The following PTBP2 variants were observed in gnomAD, a reference collection of about 807,000 sequenced individuals.
PTBP2 encodes the protein polypyrimidine tract binding protein 2, also known as polypyrimidine tract-binding protein 2.
PTBP2 carries 13 observed loss-of-function variants against 61.4 expected under a neutral mutation model. The observed-to-expected ratio is 0.21, with a 90% confidence interval of 0.14 to 0.34. The LOEUF (loss-of-function observed/expected upper bound fraction) is 0.34, where lower values mean the gene tolerates loss of function less well. Among genes scored for constraint, PTBP2 ranks in the 10% least tolerant of loss-of-function variants. The pLI, the probability that PTBP2 is intolerant of heterozygous loss-of-function variation, is 1.00. For missense variants in PTBP2, 405 were observed against 642.6 expected (o/e 0.63, Z 4.00); for synonymous variants, 215 against 218.5 (o/e 0.98, Z 0.14).
intron 7 of PTBP2, among the ~76,000 whole-genome samples, chr1:96,779,055 A>G (rs1424688182): frequency 6.6e-6 from 1 of 152,130 alleles, no homozygotes; most frequent in East Asian, 1.9e-4. Flanking sequence ...AGTGAACACC[A>G]CCTATAAGGT....
chr1:96,811,660 C>T (rs1462416619), intron 11 of PTBP2, among the ~76,000 whole-genome samples: 1 of 152,154 alleles, frequency 6.6e-6, no homozygotes, highest in Non-Finnish European at 1.5e-5. Flanking sequence ...TTGTGATCCG[C>T]CCACCTCAGC....
rs1474260979 is a variant in PTBP2 at position 96,814,326 on chromosome 1, C to A, written c.*921C>A. The stretch of plus-strand genomic sequence containing the variant: ...GATTTCTGAGCATGTGCAGACTGGT[C>A]TAGCTAGTTCAGGAACTGGTGCATG... On this transcript the variant is annotated 3_prime_UTR_variant, in exon 14 of 14. Coordinates refer to ENST00000674951, the MANE Select transcript of PTBP2 (RefSeq NM_021190.4). The A allele has an allele frequency of 6.6e-6, 1 of 152,452 alleles. No homozygotes were observed. Among genetic ancestry groups the A allele is most frequent in the African/African-American group, 2.4e-5 (1 of 41,412 alleles). The allele number at this position is 152,452 out of a possible 1,614,324, so 9.4% of individuals were successfully genotyped here. A position where few individuals can be genotyped will look rare whatever the true frequency, so the allele number is the denominator to read the frequency against.
chr1:96,780,149 G>A (rs1006357436), intron 7 of PTBP2, among the ~76,000 whole-genome samples: 5 of 152,096 alleles, frequency 3.3e-5, no homozygotes, highest in East Asian at 3.9e-4. Flanking sequence ...TAGATGTTTA[G>A]TTATCTAAGA....
At chr1:96,762,801 A>AG (rs1163816989) in intron 3 of PTBP2, among the ~76,000 whole-genome samples, 1 of 150,134 alleles carries the variant, frequency 6.7e-6, no homozygotes, top group African/African-American at 2.5e-5. Context: ...TGCCGGGCGG[A>AG]GGGGCTCCTC....
At chr1:96,749,714 T>G (rs1262271944) in intron 2 of PTBP2, 2 of 453,530 alleles carry the variant, frequency 4.4e-6, no homozygotes, top group South Asian at 3.1e-5. Context: ...TCAATAAATA[T>G]GTGGGGACAT....
chr1:96,754,859 A>G (rs1027329906), intron 3 of PTBP2, among the ~76,000 whole-genome samples: 1 of 152,206 alleles, frequency 6.6e-6, no homozygotes, highest in African/African-American at 2.4e-5. Flanking sequence ...AATTAACTCC[A>G]AATGGATCAT....
intron 2 of PTBP2, among the ~76,000 whole-genome samples, chr1:96,749,076 G>A (rs1654202317): frequency 6.6e-6 from 1 of 151,876 alleles, no homozygotes; most frequent in Admixed American, 6.6e-5. Context: ...AATCATTTGA[G>A]GAAGAAAAAA....
chr1:96,777,789 T>A, intron 6 of PTBP2, 40 bp downstream of exon 6: 1 of 1,534,230 alleles, frequency 6.5e-7, no homozygotes, highest in South Asian at 1.2e-5. Flanking sequence ...ATTAGAGAAA[T>A]AATAATATAG....
intron 3 of PTBP2, among the ~76,000 whole-genome samples, chr1:96,761,712 C>T (rs551026592): frequency 5.9e-5 from 9 of 151,778 alleles, no homozygotes; most frequent in South Asian, 2.1e-4. Context: ...AAGAATAATC[C>T]GCTACTGTTC....
chr1:96,761,796 T>C (rs1655911545), intron 3 of PTBP2, among the ~76,000 whole-genome samples: 1 of 152,114 alleles, frequency 6.6e-6, no homozygotes, highest in Non-Finnish European at 1.5e-5. Flanking sequence ...GAGGGGGATT[T>C]GGCAGGGTCA....
chr1:96,784,511 A>G (rs930793122), intron 7 of PTBP2, among the ~76,000 whole-genome samples: 2 of 152,228 alleles, frequency 1.3e-5, no homozygotes, highest in Non-Finnish European at 2.9e-5. Context: ...GGGGGTGAAC[A>G]TTTCAGGTTA....
intron 7 of PTBP2, among the ~76,000 whole-genome samples, chr1:96,781,963 T>C (rs1403782068): frequency 6.6e-6 from 1 of 151,988 alleles, no homozygotes; most frequent in Non-Finnish European, 1.5e-5. Context: ...TAATTCAGCT[T>C]TTATAATGTT....
chr1:96,776,189 A>G (rs1455568395), intron 5 of PTBP2, among the ~76,000 whole-genome samples: 2 of 152,024 alleles, frequency 1.3e-5, no homozygotes, highest in Non-Finnish European at 1.5e-5. Flanking sequence ...TATGCTTGTT[A>G]TTATAGATAA....
At chr1:96,732,707 T>C (rs1191771048) in intron 2 of PTBP2, among the ~76,000 whole-genome samples, 1 of 152,218 alleles carries the variant, frequency 6.6e-6, no homozygotes, top group Non-Finnish European at 1.5e-5. Flanking sequence ...AGGCTCAGAA[T>C]AGTGGTCTGT....
chr1:96,791,838 T>G (rs1300375912), intron 8 of PTBP2, among the ~76,000 whole-genome samples: 2 of 137,628 alleles, frequency 1.5e-5, no homozygotes, highest in East Asian at 4.2e-4. Flanking sequence ...TTTTTTTTTT[T>G]TTTTTTTTTT....
intron 2 of PTBP2, among the ~76,000 whole-genome samples, chr1:96,727,821 C>G (rs1052437681): frequency 2.6e-5 from 4 of 152,064 alleles, no homozygotes; most frequent in Non-Finnish European, 2.9e-5. Context: ...TTTTCTGCCA[C>G]TCATCTTCTT....
At position 96,813,123 on chromosome 1, in the gene PTBP2, A is replaced by G; in HGVS notation, c.1466+17A>G. 1 of 1,593,048 alleles carries G rather than the reference A, an allele frequency of 6.3e-7. No homozygotes were observed. Among genetic ancestry groups the G allele is most frequent in the Non-Finnish European group, 8.6e-7 (1 of 1,167,492 alleles). ...GTTTTTTCAGTAAGCAAGCTTCCTT[A>G]TCTTTAAATTAGTGACCTGATAAAA... On this transcript the variant is annotated intron_variant, in intron 13 of 13. Coordinates refer to ENST00000674951, the MANE Select transcript of PTBP2 (RefSeq NM_021190.4).
At chr1:96,807,487 C>T (rs1661607869) in intron 11 of PTBP2, among the ~76,000 whole-genome samples, 1 of 152,172 alleles carries the variant, frequency 6.6e-6, no homozygotes, top group Non-Finnish European at 1.5e-5. Flanking sequence ...TTTAATTAAA[C>T]TTATGTCGTT....
intron 8 of PTBP2, among the ~76,000 whole-genome samples, chr1:96,787,907 G>T (rs966728636): frequency 2.0e-5 from 3 of 151,992 alleles, no homozygotes; most frequent in Admixed American, 2.0e-4. Flanking sequence ...TATTTTCTTA[G>T]ACTAGATTCC....
Sources: gnomAD v4.1 joint callset for allele counts (sites outside exome capture counted in the v4.1 genomes callset) on GRCh38, gnomAD v4.1.1 for gene constraint, MANE v1.5 for transcripts, NCBI Gene and HGNC (gene_info 2026-07-23, HGNC 2026-07-21) for gene names.